PLEKHG7: variants seen among roughly 807,000 people sequenced by gnomAD.
The protein encoded by PLEKHG7 is pleckstrin homology and RhoGEF domain containing G7.
PLEKHG7 carries 77 observed loss-of-function variants against 85.2 expected under a neutral mutation model. The observed-to-expected ratio is 0.90, with a 90% CI of 0.75 to 1.09. The LOEUF (loss-of-function observed/expected upper bound fraction) is 1.09, where lower values mean the gene tolerates loss of function less well. Ranked by LOEUF, PLEKHG7 falls within the 50% of genes least tolerant of loss-of-function variation. The probability of loss-of-function intolerance (pLI) is 0.00; values close to 1 mark genes in which losing one functional copy is unlikely to be tolerated. For synonymous variants in PLEKHG7, 301 were observed against 302.4 expected (o/e 1.00, Z 0.05); for missense variants, 777 against 804.3 (o/e 0.97, Z 0.41).
chr12:92,755,467 G>A (rs960515057), intron 11 of PLEKHG7, among the ~76,000 whole-genome samples: 1 of 151,106 alleles, frequency 6.6e-6, no homozygotes, highest in African/African-American at 2.5e-5. Flanking sequence ...AAAAACATAT[G>A]TTTGTCCTTG....
intron 3 of PLEKHG7, among the ~76,000 whole-genome samples, chr12:92,718,968 T>A (rs1871563034): frequency 6.6e-6 from 1 of 152,214 alleles, no homozygotes; most frequent in Admixed American, 6.5e-5. Flanking sequence ...GGTACAAGTC[T>A]TCCATTTGTT....
At chr12:92,745,631 G>A (rs1872515577) in intron 10 of PLEKHG7, 40 bp downstream of exon 10, 2 of 1,412,116 alleles carry the variant, frequency 1.4e-6, no homozygotes, top group Non-Finnish European at 2.0e-6. Flanking sequence ...TTTTGCTGAT[G>A]CTTTTTGGGT....
intron 9 of PLEKHG7, among the ~76,000 whole-genome samples, chr12:92,743,300 G>A (rs1001217869): frequency 1.3e-5 from 2 of 152,118 alleles, no homozygotes; most frequent in Non-Finnish European, 2.9e-5. Context: ...TCAGTACATG[G>A]CCAAGCTTAC....
chr12:92,735,013 C>G (rs1312490676), intron 5 of PLEKHG7, among the ~76,000 whole-genome samples: 7 of 152,110 alleles, frequency 4.6e-5, no homozygotes, highest in Non-Finnish European at 1.5e-5. Context: ...GGAGAATGGT[C>G]TCCTCTCCCC....
intron 15 of PLEKHG7, among the ~76,000 whole-genome samples, chr12:92,765,646 TAGTG>T (rs1367150866): frequency 7.2e-6 from 1 of 139,270 alleles, no homozygotes; most frequent in African/African-American, 2.6e-5. Flanking sequence ...AAAAAAAAAA[TAGTG>T]AGGTACAGCA....
intron 13 of PLEKHG7, 105 bp from the exon 14 acceptor site, chr12:92,761,634 GAAAGAAAGAAAGA>G (rs1240445820): frequency 1.7e-4 from 46 of 278,172 alleles, no homozygotes; most frequent in Middle Eastern, 9.5e-4. Context: ...AAGAAAGAAA[GAAAGAAAGAAAGA>G]AAGAAAGAAA....
chr12:92,740,578 G>A (rs1872324794), intron 7 of PLEKHG7, among the ~76,000 whole-genome samples: 4 of 152,162 alleles, frequency 2.6e-5, no homozygotes, highest in African/African-American at 9.7e-5. Flanking sequence ...TAGAAGTAGA[G>A]GAAGCCCATT....
chr12:92,768,990 GCT>G lies in PLEKHG7; in HGVS notation c.1879_1880del (p.Leu627GlufsTer63). ...TGTAATATCTTTTTCTAGTCTTTGG[GCT>G]GAGAAATGCTTTTCTTATACAACAC... Reference protein sequence around the residue: ...IEPLHVSVFGLRNAFLIQHEN... With the variant: ...IEPLHVSVFGXRNAFLIQHEN... On this transcript the variant is annotated frameshift_variant, in exon 16 of 17. Coordinates refer to ENST00000344636, the MANE Select transcript of PLEKHG7 (RefSeq NM_001377329.1). LOFTEE classifies it high-confidence loss of function. The G allele has an allele frequency of 6.3e-7, 1 of 1,582,376 alleles. No homozygotes were observed. The highest frequency in any genetic ancestry group is 8.6e-7 in the Non-Finnish European group (1 of 1,157,592).
chr12:92,720,033 C>T (rs2136580562), intron 3 of PLEKHG7, among the ~76,000 whole-genome samples: 1 of 152,316 alleles, frequency 6.6e-6, no homozygotes, highest in East Asian at 1.9e-4. Context: ...GTTGGGTGCC[C>T]TTGCCACTCA....
intron 8 of PLEKHG7, 92 bp downstream of exon 8, chr12:92,741,040 T>G: frequency 3.6e-6 from 3 of 831,590 alleles, no homozygotes; most frequent in Non-Finnish European, 3.9e-6. Flanking sequence ...TATGCCATAA[T>G]ACATCTCCAT....
intron 11 of PLEKHG7, among the ~76,000 whole-genome samples, chr12:92,754,949 T>A (rs906528272): frequency 6.7e-6 from 1 of 149,680 alleles, no homozygotes; most frequent in Non-Finnish European, 1.5e-5. Context: ...ACAGATGCTT[T>A]AAAAAAAAAA....
chr12:92,715,607 C>A (rs1462873080), intron 3 of PLEKHG7, among the ~76,000 whole-genome samples: 3 of 150,950 alleles, frequency 2.0e-5, no homozygotes, highest in South Asian at 4.2e-4. Context: ...AAAGAGCCCA[C>A]TTCCTTGAAC....
intron 11 of PLEKHG7, 65 bp downstream of exon 11, chr12:92,754,329 T>C: frequency 6.8e-7 from 1 of 1,478,358 alleles, no homozygotes; most frequent in Non-Finnish European, 9.3e-7. Flanking sequence ...GGAAACCTTC[T>C]GGGCTTCCAT....
At chr12:92,739,867 C>T (rs1022589273) in intron 7 of PLEKHG7, among the ~76,000 whole-genome samples, 16 of 152,216 alleles carry the variant, frequency 1.1e-4, no homozygotes, top group Admixed American at 3.9e-4. Context: ...TCCAGACAAC[C>T]AATACTCCAT....
Position 92,726,730 on chromosome 12 carries a change from A to G in PLEKHG7, c.531-2263A>G, listed in dbSNP as rs145681190. On this transcript the variant is annotated intron_variant, in intron 3 of 16. Coordinates refer to ENST00000344636, the MANE Select transcript of PLEKHG7 (RefSeq NM_001377329.1). ...CATTTATTTTGTGAACATCCTACAG[A>G]CACATTTCATGAAATGGGCCAAGGG... 1.0e-3 allele frequency among the ~76,000 whole-genome samples: 155 copies of G among 152,262 alleles called. 1 individual carries two copies. The highest frequency in any genetic ancestry group is 3.4e-3 in the African/African-American group (141 of 41,546).
chr12:92,723,492 A>C (rs1333017291), intron 3 of PLEKHG7, among the ~76,000 whole-genome samples: 1 of 152,236 alleles, frequency 6.6e-6, no homozygotes, highest in Non-Finnish European at 1.5e-5. Flanking sequence ...GTCTAATGGA[A>C]AAAACACATA....
intron 3 of PLEKHG7, among the ~76,000 whole-genome samples, chr12:92,719,172 A>G (rs1391634924): frequency 6.6e-6 from 1 of 152,228 alleles, no homozygotes; most frequent in East Asian, 1.9e-4. Flanking sequence ...ATGGAAAAAT[A>G]TATCCCAGAT....
rs532895927 is a variant in PLEKHG7 at position 92,710,038 on chromosome 12, T to C, written c.530+2366T>C. 2.0e-4 allele frequency among the ~76,000 whole-genome samples: 30 copies of C among 152,296 alleles called. 1 individual carries two copies. The South Asian group carries it at 6.2e-3, about 32-fold the overall frequency. ...TTTCTTGCGTCTCCTGGTGGCAGTG[T>C]TCCTCCCTCTGGAACTAAGACCTCT... is the stretch of plus-strand genomic sequence containing the variant. On this transcript the variant is annotated intron_variant, in intron 3 of 16. Coordinates refer to ENST00000344636, the MANE Select transcript of PLEKHG7 (RefSeq NM_001377329.1).
intron 3 of PLEKHG7, among the ~76,000 whole-genome samples, chr12:92,724,515 T>A (rs997705397): frequency 9.2e-5 from 14 of 152,132 alleles, no homozygotes; most frequent in African/African-American, 3.1e-4. Flanking sequence ...TCAGTAAGGA[T>A]AGCATTTGCC....
Sources: gnomAD v4.1 joint callset for allele counts (sites outside exome capture counted in the v4.1 genomes callset) on GRCh38, gnomAD v4.1.1 for gene constraint, MANE v1.5 for transcripts, NCBI Gene and HGNC (gene_info 2026-07-23, HGNC 2026-07-21) for gene names.